OR51E1: variants seen among roughly 807,000 people sequenced by gnomAD.
OR51E1 encodes olfactory receptor 51E1.
OR51E1 carries 9 observed loss-of-function variants against 11.5 expected under a neutral mutation model. That is an observed-to-expected ratio of 0.78 (90% CI 0.47 to 1.37). OR51E1 has a LOEUF of 1.37. OR51E1 is among the 40% of genes most tolerant of loss of function. The pLI is 0.00. For missense variants in OR51E1, 397 were observed against 410.2 expected (o/e 0.97, Z 0.28); for synonymous variants, 168 against 158.3 (o/e 1.06, Z -0.46).
At chr11:4,646,846 G>A (rs1847036836) in intron 1 of OR51E1, among the ~76,000 whole-genome samples, 2 of 152,218 alleles carry the variant, frequency 1.3e-5, no homozygotes, top group Admixed American at 6.5e-5. Flanking sequence ...AGCCTAGAAT[G>A]AGGGAAAGTG....
rs763218631 is a variant in OR51E1, at chr11:4,652,624, C to T, written c.98C>T (p.Pro33Leu). 6.2e-7 allele frequency: 1 copy of T among 1,614,178 alleles called. No individual in the cohort carries two copies. The highest frequency in any genetic ancestry group is 8.5e-7 in the Non-Finnish European group (1 of 1,180,002). Residue 33 changes from proline (P) to leucine (L), a missense_variant, in exon 2 of 2, where the codon CCA becomes CTA. Physicochemically the swap from Pro to Leu is moderately conservative, Grantham distance 98. Transcript: ENST00000396952. ...GAGGCTCAGTTCTGGTTGGCCTTCCCATTGTGCTCCCTCTACCTTATTGCT... is the reference window on the plus strand; with the variant it reads ...GAGGCTCAGTTCTGGTTGGCCTTCCTATTGTGCTCCCTCTACCTTATTGCT... ...LEEAQFWLAF[P>L]LCSLYLIAVL...
intron 1 of OR51E1, among the ~76,000 whole-genome samples, chr11:4,645,123 T>G (rs75983387): frequency 8.0e-6 from 1 of 124,626 alleles, no homozygotes; most frequent in East Asian, 2.2e-4. Context: ...CTATCACTCT[T>G]TCTTTCGTGC....
intron 1 of OR51E1, among the ~76,000 whole-genome samples, chr11:4,647,972 G>A (rs1207828266): frequency 1.3e-5 from 2 of 152,256 alleles, no homozygotes; most frequent in African/African-American, 4.8e-5. Flanking sequence ...GCTCAAGCTG[G>A]AAGGCCACCT....
At chr11:4,647,231 AAAC>A (rs1847040702) in intron 1 of OR51E1, among the ~76,000 whole-genome samples, 2 of 152,212 alleles carry the variant, frequency 1.3e-5, no homozygotes, top group East Asian at 1.9e-4. Context: ...CATATTATAA[AAAC>A]AACAAAATCA....
rs1847127516 is a variant in OR51E1 at position 4,653,272 on chromosome 11, C to T, written c.746C>T (p.Ala249Val). ...GGCACTTGCGTCTCTCATGTGTGTG[C>T]TGTGTTCATATTCTATGTACCTTTC... ...AFGTCVSHVC[A>V]VFIFYVPFIG... Residue 249 changes from alanine to valine, a missense_variant, in exon 2 of 2, where the codon GCT becomes GTT. By Grantham distance (64) the Ala-to-Val change is moderately conservative (BLOSUM62 0). Coordinates refer to ENST00000396952, the MANE Select transcript of OR51E1 (RefSeq NM_152430.4). 2 of 1,614,130 alleles carry T rather than the reference C, an allele frequency of 1.2e-6. No individual in the cohort carries two copies.
In OR51E1 at chr11:4,655,178, T is replaced by C. The variant is rs183237159; in HGVS notation, c.*1695T>C. On this transcript the variant is annotated 3_prime_UTR_variant, in exon 2 of 2. Transcript: ENST00000396952. The stretch of plus-strand genomic sequence containing the variant: ...CCTGATTCCTTCTGTCCTGAACACA[T>C]AGCCAGGCAATTTTCCAGCCTTCTT... The C allele has an allele frequency of 6.0e-6, 1 of 167,246 alleles. No individual in the cohort carries two copies. The highest frequency in any genetic ancestry group is 6.5e-5 in the Admixed American group (1 of 15,304). 10.4% of individuals were successfully genotyped at this position (167,246 alleles called of 1,614,324 possible). A position where few individuals can be genotyped will look rare whatever the true frequency, so the allele number is the denominator to read the frequency against.
chr11:4,652,711 T>G lies in OR51E1; in HGVS notation c.185T>G (p.Met62Arg). The G allele has an allele frequency of 6.2e-7, 1 of 1,614,106 alleles. No homozygotes were observed. The highest frequency in any genetic ancestry group is 1.3e-5 in the African/African-American group (1 of 75,052). ...ACTGAGCACAGCCTGCATGAGCCCA[T>G]GTATATATTTCTTTGCATGCTTTCA... ...VRTEHSLHEPMYIFLCMLSGI... is the reference protein window; with the variant it reads ...VRTEHSLHEPRYIFLCMLSGI... Residue 62 changes from methionine to arginine, a missense_variant, in exon 2 of 2, where the codon ATG becomes AGG. By Grantham distance (91) the Met-to-Arg change is moderately conservative. Coordinates refer to ENST00000396952, the MANE Select transcript of OR51E1 (RefSeq NM_152430.4).
At chr11:4,652,415 A>G (rs1847108848) in intron 1 of OR51E1, 73 bp from the exon 2 acceptor site, 18 of 684,842 alleles carry the variant, frequency 2.6e-5, no homozygotes, top group South Asian at 2.5e-4. Flanking sequence ...AGAGAACAGT[A>G]CATCAGGATA....
At position 4,653,518 on chromosome 11, in the gene OR51E1, C is replaced by A; in HGVS notation, c.*35C>A. ...ATCAAACTTCTTTTCCATTCAGAGTCCTCTGATTCAGATTTTAATGTTAAC... is the reference window on the plus strand; with the variant it reads ...ATCAAACTTCTTTTCCATTCAGAGTACTCTGATTCAGATTTTAATGTTAAC... On this transcript the variant is annotated 3_prime_UTR_variant, in exon 2 of 2. Transcript: ENST00000396952. 1.6e-6 allele frequency: 2 copies of A among 1,261,754 alleles called. No homozygotes were observed. The highest frequency in any genetic ancestry group is 1.4e-5 in the South Asian group (1 of 71,430). The allele number at this position is 1,261,754 out of a possible 1,614,324, so 78.2% of individuals were successfully genotyped here. A position where few individuals can be genotyped will look rare whatever the true frequency, so the allele number is the denominator to read the frequency against.
At chr11:4,652,385 A>G in intron 1 of OR51E1, 103 bp from the exon 2 acceptor site, 1 of 619,652 alleles carries the variant, frequency 1.6e-6, no homozygotes. Context: ...TGCATAAGGA[A>G]TGGATTTAGA....
chr11:4,653,319 C>T lies in OR51E1; in HGVS notation c.793C>T (p.Arg265Cys), dbSNP rs142449769. The change falls in exon 2 of 2, where the codon CGC becomes TGC. Residue 265 changes from arginine to cysteine, a missense_variant. Physicochemically the swap from Arg to Cys is radical, Grantham distance 180. Coordinates refer to ENST00000396952, the MANE Select transcript of OR51E1 (RefSeq NM_152430.4). ...TTTCATTGGATTGTCCATGGTGCAT[C>T]GCTTTAGCAAGCGGCGTGACTCTCC... ...VPFIGLSMVH[R>C]FSKRRDSPLP... 7.6e-5 allele frequency: 123 copies of T among 1,614,026 alleles called. No homozygotes were observed. The highest frequency in any genetic ancestry group is 9.2e-5 in the Non-Finnish European group (108 of 1,180,016).
chr11:4,646,752 C>G (rs1374945177), intron 1 of OR51E1, among the ~76,000 whole-genome samples: 1 of 152,144 alleles, frequency 6.6e-6, no homozygotes, highest in East Asian at 1.9e-4. Context: ...CCCAGGGCAG[C>G]TGTGCTACTT....
In OR51E1 at chr11:4,652,790, C is replaced by T. The variant is rs936802857; in HGVS notation, c.264C>T (p.Phe88=). The part of the protein sequence containing the change: ...TSSMPKMLAI[F]WFNSTTIQFD... ...CCATGCCCAAAATGCTGGCCATCTT[C>T]TGGTTCAATTCCACTACCATCCAGT... Residue 88 remains phenylalanine, a synonymous_variant, in exon 2 of 2, where the codon TTC becomes TTT. Transcript: ENST00000396952. 1.9e-6 allele frequency: 3 copies of T among 1,614,096 alleles called. No individual in the cohort carries two copies. In the African/African-American group the frequency reaches 4.0e-5, roughly 22 times the overall value.
At position 4,648,229 on chromosome 11, in the gene OR51E1, TG is replaced by T. The variant is rs771135735; in HGVS notation, c.-40+4201del. On this transcript the variant is annotated intron_variant, in intron 1 of 1. Coordinates refer to ENST00000396952, the MANE Select transcript of OR51E1 (RefSeq NM_152430.4). Reference sequence around the variant, plus strand: ...GCTAAATCTTCCTTTTGTTGATTTCTGGTATCTTTGTATCAGTGCCCAGTCT... The same window carrying T: ...GCTAAATCTTCCTTTTGTTGATTTCTGTATCTTTGTATCAGTGCCCAGTCT... 4.1e-4 allele frequency among the ~76,000 whole-genome samples: 63 copies of T among 152,372 alleles called. 1 individual carries two copies. The highest frequency in any genetic ancestry group is 8.3e-4 in the South Asian group (4 of 4,832).
At chr11:4,645,783 G>C (rs1314469113) in intron 1 of OR51E1, among the ~76,000 whole-genome samples, 1 of 152,130 alleles carries the variant, frequency 6.6e-6, no homozygotes, top group Non-Finnish European at 1.5e-5. Context: ...GATTTTAGGT[G>C]GTCAGGCTGA....
intron 1 of OR51E1, among the ~76,000 whole-genome samples, chr11:4,645,904 C>A (rs922614859): frequency 2.0e-5 from 3 of 152,126 alleles, no homozygotes; most frequent in African/African-American, 7.2e-5. Context: ...GTGACCAACA[C>A]CTTGCAAGGG....
chr11:4,650,016 A>G (rs1847074294), intron 1 of OR51E1, among the ~76,000 whole-genome samples: 1 of 152,230 alleles, frequency 6.6e-6, no homozygotes, highest in Admixed American at 6.5e-5. Context: ...CATAGTTTCA[A>G]TGGCTATATA....
In OR51E1 at chr11:4,645,071, C is replaced by A. The variant is rs4910657; in HGVS notation, c.-40+1041C>A. On this transcript the variant is annotated intron_variant, in intron 1 of 1. Coordinates refer to ENST00000396952, the MANE Select transcript of OR51E1 (RefSeq NM_152430.4). The stretch of plus-strand genomic sequence containing the variant: ...TCCTTAAGAGAGGCTTTTTCTGACC[C>A]CTGTCTCCAGTATGAGTGTCCTGCA... 4.2e-3 allele frequency among the ~76,000 whole-genome samples: 632 copies of A among 152,094 alleles called. 8 individuals carry two copies. The highest frequency in any genetic ancestry group is 0.015 in the African/African-American group (604 of 41,472).
Position 4,652,884 on chromosome 11 carries a change from G to A in OR51E1, c.358G>A (p.Ala120Thr), listed in dbSNP as rs1847117320. The A allele has an allele frequency of 6.2e-7, 1 of 1,613,380 alleles. No homozygotes were observed. Residue 120 changes from alanine to threonine, a missense_variant, in exon 2 of 2, where the codon GCC becomes ACC. Coordinates refer to ENST00000396952, the MANE Select transcript of OR51E1 (RefSeq NM_152430.4). ...LSGMESTVLL[A>T]MAFDRYVAIC... is the part of the protein sequence containing the mutation. ...TGGCATGGAATCCACAGTGCTGCTG[G>A]CCATGGCTTTTGACCGCTATGTGGC...
Sources: allele counts gnomAD v4.1 joint callset (sites outside exome capture counted in the v4.1 genomes callset), GRCh38; gene constraint gnomAD v4.1.1; transcripts MANE v1.5; gene names NCBI Gene and HGNC (gene_info 2026-07-23, HGNC 2026-07-21).